Variants in SLC5A4 observed in about 807,000 individuals in gnomAD.
SLC5A4 encodes the protein probable glucose sensor protein SLC5A4.
A neutral mutation model predicts 70.3 loss-of-function variants in SLC5A4; 55 were observed. That is an observed-to-expected ratio of 0.78 (90% confidence interval 0.63 to 0.98). The LOEUF (loss-of-function observed/expected upper bound fraction) is 0.98. SLC5A4 is among the 50% of genes least tolerant of loss of function. SLC5A4 has a pLI of 0.00. For synonymous variants in SLC5A4, 268 were observed against 305.7 expected (o/e 0.88, Z 1.29); for missense variants, 735 against 839.2 (o/e 0.88, Z 1.53).
intron 9 of SLC5A4, among the ~76,000 whole-genome samples, 176 bp from the exon 10 acceptor site, chr22:32,231,251 C>G (rs1371466974): frequency 6.6e-6 from 1 of 152,208 alleles, no homozygotes; most frequent in Non-Finnish European, 1.5e-5. Flanking sequence ...AAAACACAAC[C>G]CCAAGTATCT....
At chr22:32,309,692 C>T in the SLC5A4 span, among the ~76,000 whole-genome samples, 1 of 152,078 alleles carries the variant, frequency 6.6e-6, no homozygotes, top group South Asian at 2.1e-4. Context: ...AGTGTTCACA[C>T]CCAAGTGCAC....
chr22:32,332,409 C>T, the SLC5A4 span, among the ~76,000 whole-genome samples: 1 of 146,434 alleles, frequency 6.8e-6, no homozygotes, highest in Admixed American at 7.0e-5. Context: ...GGACCACTTA[C>T]TTCCCACTTC....
At chr22:32,251,149 C>CAAAAAAAAAAAA (rs1169115054) in intron 3 of SLC5A4, among the ~76,000 whole-genome samples, 79 of 22,736 alleles carry the variant, frequency 3.5e-3, no homozygotes, top group East Asian at 0.012. Flanking sequence ...AACAAATAAG[C>CAAAAAAAAAAAA]AAAAAAAAAA....
intron 5 of SLC5A4, among the ~76,000 whole-genome samples, chr22:32,244,233 C>T (rs75663363): frequency 1.3e-5 from 2 of 152,146 alleles, no homozygotes; most frequent in East Asian, 3.8e-4. Context: ...GAAGATTTCA[C>T]TTTTAAAAAA....
At chr22:32,330,901 C>CTG in the SLC5A4 span, among the ~76,000 whole-genome samples, 10 of 63,286 alleles carry the variant, frequency 1.6e-4, 1 homozygote, top group South Asian at 6.0e-4. Flanking sequence ...GGGGGCTCTC[C>CTG]TGTGTGTGTG....
the SLC5A4 span, among the ~76,000 whole-genome samples, chr22:32,314,102 C>T: frequency 6.6e-6 from 1 of 152,122 alleles, no homozygotes; most frequent in Admixed American, 6.5e-5. Flanking sequence ...GAGAGATACG[C>T]CAAGAAGGAG....
chr22:32,330,691 GT>G, the SLC5A4 span, among the ~76,000 whole-genome samples: 2 of 100,496 alleles, frequency 2.0e-5, no homozygotes, highest in East Asian at 3.4e-4. Flanking sequence ...TGGTGTGTGT[GT>G]TGGGGGCTCT....
intron 5 of SLC5A4, among the ~76,000 whole-genome samples, chr22:32,241,861 G>GTGTATA (rs150299105): frequency 1.0e-4 from 15 of 148,742 alleles, no homozygotes; most frequent in African/African-American, 2.5e-4. Flanking sequence ...GTGTGTGTGT[G>GTGTATA]TATATATATG....
Position 32,239,045 on chromosome 22 carries a change from A to G in SLC5A4, c.523T>C (p.Leu175=). The G allele has an allele frequency of 6.2e-7, 1 of 1,614,116 alleles. No individual in the cohort carries two copies. Among genetic ancestry groups the G allele is most frequent in the South Asian group, 1.1e-5 (1 of 91,072 alleles). The stretch of plus-strand genomic sequence containing the variant: ...ATGAAGATTGCCAGGTAAAGGTCCA[A>G]TCCCAAGGCCAGCTTGATGAATATG... The part of the protein sequence containing the change: ...GAIFIKLALG[L]DLYLAIFILL... Residue 175 remains leucine, a synonymous_variant, in exon 6 of 15, where the codon TTG becomes CTG. Coordinates refer to ENST00000266086, the MANE Select transcript of SLC5A4 (RefSeq NM_014227.3).
intron 1 of SLC5A4, among the ~76,000 whole-genome samples, chr22:32,254,553 C>T (rs1927359630): frequency 1.3e-5 from 2 of 152,114 alleles, no homozygotes; most frequent in South Asian, 4.1e-4. Flanking sequence ...GCCTGTAATT[C>T]CAGCACTTTG....
chr22:32,297,081 T>C, the SLC5A4 span, among the ~76,000 whole-genome samples: 12 of 151,770 alleles, frequency 7.9e-5, no homozygotes, highest in African/African-American at 2.7e-4. Context: ...GATTTTTGCA[T>C]CAATGTTCAT....
chr22:32,331,593 G>A, the SLC5A4 span, among the ~76,000 whole-genome samples: 1 of 152,146 alleles, frequency 6.6e-6, no homozygotes, highest in South Asian at 2.1e-4. Flanking sequence ...AAGCGGTGGG[G>A]TGGAGATGAC....
At chr22:32,275,409 T>G in the SLC5A4 span, among the ~76,000 whole-genome samples, 2 of 152,158 alleles carry the variant, frequency 1.3e-5, no homozygotes, top group Admixed American at 6.5e-5. Context: ...GATGTTCCCC[T>G]TCCTGTGTCC....
chr22:32,314,567 CAAG>C, the SLC5A4 span, among the ~76,000 whole-genome samples: 1 of 152,102 alleles, frequency 6.6e-6, no homozygotes, highest in Non-Finnish European at 1.5e-5. Context: ...TTAGGCAAAT[CAAG>C]AATGATTCAG....
At chr22:32,231,245 C>T (rs1475123993) in intron 9 of SLC5A4, among the ~76,000 whole-genome samples, 170 bp from the exon 10 acceptor site, 1 of 152,236 alleles carries the variant, frequency 6.6e-6, no homozygotes, top group Non-Finnish European at 1.5e-5. Flanking sequence ...ATGCCCAAAA[C>T]ACAACCCCAA....
At chr22:32,228,853 C>A (rs374527220) in intron 11 of SLC5A4, among the ~76,000 whole-genome samples, 21 of 152,096 alleles carry the variant, frequency 1.4e-4, no homozygotes, top group African/African-American at 4.8e-4. Flanking sequence ...CTGCTAGAGA[C>A]AATGCATTCA....
At chr22:32,341,244 G>T in the SLC5A4 span, among the ~76,000 whole-genome samples, 39,721 of 151,850 alleles carry the variant, frequency 0.26, 6,524 homozygotes, top group African/African-American at 0.45. Flanking sequence ...GGGGTCCCCA[G>T]GGAGTGGGTG....
At chr22:32,272,976 T>C in the SLC5A4 span, 1 of 540,456 alleles carries the variant, frequency 1.9e-6, no homozygotes, top group Non-Finnish European at 3.7e-6. Flanking sequence ...TGCTGCAAGC[T>C]GCACGGGGAG....
the SLC5A4 span, among the ~76,000 whole-genome samples, chr22:32,302,249 TG>T: frequency 8.7e-6 from 1 of 114,578 alleles, no homozygotes; most frequent in African/African-American, 3.3e-5. Flanking sequence ...TACTTTTGAG[TG>T]TTTTTTTTTT....
Sources: gnomAD v4.1 joint callset for allele counts (sites outside exome capture counted in the v4.1 genomes callset) on GRCh38, gnomAD v4.1.1 for gene constraint, MANE v1.5 for transcripts, NCBI Gene and HGNC (gene_info 2026-07-23, HGNC 2026-07-21) for gene names.